CSMD2: variants seen among roughly 807,000 people sequenced by gnomAD.
CSMD2 encodes CUB and sushi domain-containing protein 2.
Under a neutral mutation model 398.5 loss-of-function variants are expected in CSMD2, and 130 were observed. The ratio of observed to expected loss-of-function variants is 0.33; its 90% CI spans 0.28 to 0.38. The LOEUF (loss-of-function observed/expected upper bound fraction) is 0.38, where lower values mean the gene tolerates loss of function less well. Among genes scored for constraint, CSMD2 ranks in the 10% least tolerant of loss-of-function variants. The probability of loss-of-function intolerance (pLI) is 1.00; values close to 1 mark genes in which losing one functional copy is unlikely to be tolerated. For missense variants in CSMD2, 3,829 were observed against 4,764.9 expected, an observed-to-expected ratio of 0.80 and a Z score of 5.78; for synonymous variants, 1,828 against 1,908.5, an observed-to-expected ratio of 0.96 and a Z score of 1.10.
chr1:33,796,578 C>T (rs1188935118), intron 10 of CSMD2, among the ~76,000 whole-genome samples: 4 of 152,136 alleles, frequency 2.6e-5, no homozygotes, highest in African/African-American at 9.7e-5. Context: ...TGAGAGTATA[C>T]ATCACCTCAG....
chr1:33,682,489 T>C (rs1380124112), intron 25 of CSMD2, among the ~76,000 whole-genome samples: 1 of 152,180 alleles, frequency 6.6e-6, no homozygotes, highest in African/African-American at 2.4e-5. Context: ...GAGGATAATA[T>C]GTTACCTTTG....
chr1:33,806,138 T>G (rs569583848), intron 10 of CSMD2, among the ~76,000 whole-genome samples: 29 of 152,194 alleles, frequency 1.9e-4, no homozygotes, highest in Non-Finnish European at 4.0e-4. Flanking sequence ...AAGAGTTGGG[T>G]TAGTTAAATC....
intron 39 of CSMD2, among the ~76,000 whole-genome samples, chr1:33,614,863 T>C (rs986736878): frequency 5.3e-5 from 8 of 152,236 alleles, no homozygotes; most frequent in Admixed American, 5.2e-4. Flanking sequence ...TTATGGACTC[T>C]TGACCTTGAA....
At chr1:33,520,080 C>G in intron 68 of CSMD2, 130 bp from the exon 69 acceptor site, 2 of 1,093,646 alleles carry the variant, frequency 1.8e-6, no homozygotes, top group South Asian at 1.5e-5. Context: ...CTGCTCAGCA[C>G]GGGAGGCAGG....
In CSMD2 at chr1:33,792,433, C is replaced by T. The variant is rs768171028; in HGVS notation, c.1540G>A (p.Val514Ile). The T allele has an allele frequency of 4.3e-6, 7 of 1,612,994 alleles. No individual in the cohort carries two copies. Among genetic ancestry groups the T allele is most frequent in the Non-Finnish European group, 5.9e-6 (7 of 1,179,132 alleles). Residue 514 changes from valine to isoleucine, a missense_variant, in exon 11 of 71, where the codon GTT (valine) becomes ATT (isoleucine). Coordinates refer to ENST00000373381, the MANE Select transcript of CSMD2 (RefSeq NM_001281956.2). ...CCCCACTGCACTTACATGTAGAGAA[C>T]TGTCTTCTGGTCCCCATCCTGACCA... is the stretch of plus-strand genomic sequence containing the variant. ...DGGQDGDQKT[V>I]LYILTGTSVP...
At chr1:34,110,523 A>C (rs12744624) in intron 1 of CSMD2, among the ~76,000 whole-genome samples, 10,760 of 152,234 alleles carry the variant, frequency 0.071, 512 homozygotes, top group Middle Eastern at 0.15. Flanking sequence ...TAAAAAAAAA[A>C]CCAAGATCAT....
chr1:33,801,288 CA>C lies in CSMD2; in HGVS notation c.1447-8763del, dbSNP rs150301583. On this transcript the variant is annotated intron_variant, in intron 10 of 70. Coordinates refer to ENST00000373381, the MANE Select transcript of CSMD2 (RefSeq NM_001281956.2). ...GATCAAATCAAGTGAGGCTCATGTG[CA>C]AATTGGATCAAATGTTTTGTGTTCA... Among the ~76,000 whole-genome samples the C allele has an allele frequency of 6.4e-3, 972 of 152,182 alleles. 8 individuals carry two copies. The highest frequency in any genetic ancestry group is 0.022 in the African/African-American group (920 of 41,508).
intron 24 of CSMD2, among the ~76,000 whole-genome samples, chr1:33,694,007 C>T (rs935170943): frequency 5.9e-5 from 9 of 151,974 alleles, no homozygotes; most frequent in African/African-American, 2.2e-4. Context: ...TGTGGTGAAC[C>T]GAGATCGCAC....
intron 5 of CSMD2, among the ~76,000 whole-genome samples, chr1:33,914,071 G>C (rs191921618): frequency 1.6e-4 from 24 of 152,222 alleles, no homozygotes; most frequent in Admixed American, 1.6e-3. Flanking sequence ...CTTTGAAAAA[G>C]TCCTGGGGCT....
At chr1:33,610,287 T>A (rs571514674) in intron 41 of CSMD2, among the ~76,000 whole-genome samples, 94 of 152,178 alleles carry the variant, frequency 6.2e-4, no homozygotes, top group African/African-American at 2.1e-3. Flanking sequence ...AAAATATTTT[T>A]AAAAATTCAG....
chr1:33,696,138 T>C (rs1645412701), intron 24 of CSMD2, among the ~76,000 whole-genome samples: 1 of 152,196 alleles, frequency 6.6e-6, no homozygotes, highest in Admixed American at 6.5e-5. Flanking sequence ...TGGAAGCAGA[T>C]TATTGCTTTC....
chr1:33,743,538 C>T lies in CSMD2; in HGVS notation c.1915G>A (p.Gly639Ser). The T allele has an allele frequency of 3.7e-6, 6 of 1,613,950 alleles. No individual in the cohort carries two copies. Among genetic ancestry groups the T allele is most frequent in the Non-Finnish European group, 5.1e-6 (6 of 1,179,972 alleles). The part of the protein sequence containing the change: ...VLSPNYPEDY[G>S]NHLHCVWLIL... ...AGCCAGACACAGTGGAGGTGGTTGC[C>T]ATAGTCCTCTGGGTAGTTGGGAGAC... Residue 639 changes from glycine (G) to serine (S), a missense_variant, in exon 14 of 71, where the codon GGC (glycine) becomes AGC (serine). Gly to Ser is a moderately conservative substitution (Grantham distance 56, BLOSUM62 0). Around this residue, in one of 5 missense-constraint regions of CSMD2, gnomAD observed 2,001 missense variants for 2,567.1 expected, o/e 0.78. Coordinates refer to ENST00000373381, the MANE Select transcript of CSMD2 (RefSeq NM_001281956.2).
chr1:34,045,038 TACACACACACACACACACACACAC>T (rs10588687), intron 2 of CSMD2, among the ~76,000 whole-genome samples: 2 of 142,718 alleles, frequency 1.4e-5, no homozygotes, highest in East Asian at 2.0e-4. Flanking sequence ...TCACACACCA[TACACACACACACACACACACACAC>T]ACACACACAC....
chr1:33,802,993 C>T (rs1329761335), intron 10 of CSMD2, among the ~76,000 whole-genome samples: 1 of 152,182 alleles, frequency 6.6e-6, no homozygotes. Context: ...TGCTTCCCAC[C>T]CTACTGCTGT....
intron 4 of CSMD2, among the ~76,000 whole-genome samples, chr1:33,918,826 T>C (rs1400351585): frequency 6.6e-6 from 1 of 152,168 alleles, no homozygotes; most frequent in Admixed American, 6.5e-5. Flanking sequence ...TGCATAACTT[T>C]GGGAAATTTA....
At chr1:34,011,323 G>A (rs961597659) in intron 3 of CSMD2, among the ~76,000 whole-genome samples, 1 of 152,166 alleles carries the variant, frequency 6.6e-6, no homozygotes, top group African/African-American at 2.4e-5. Flanking sequence ...GGTTGGGGTG[G>A]ACTGCTATCA....
intron 11 of CSMD2, among the ~76,000 whole-genome samples, chr1:33,790,963 G>T (rs1187009443): frequency 6.6e-6 from 1 of 152,174 alleles, no homozygotes; most frequent in East Asian, 1.9e-4. Context: ...CCTTTGTCTG[G>T]AGAAATCCCA....
rs545389281 is a variant in CSMD2 at position 34,143,295 on chromosome 1, C to T, written c.187+21616G>A. ...CCTCCCAGGCCATTAACAATAATAG[C>T]TTTACCAGGTGAAAAACTTGCGATT... On this transcript the variant is annotated intron_variant, in intron 1 of 70. Coordinates refer to ENST00000373381, the MANE Select transcript of CSMD2 (RefSeq NM_001281956.2). Among the ~76,000 whole-genome samples, 19 of 152,216 alleles carry T rather than the reference C, an allele frequency of 1.2e-4. No homozygotes were observed. The South Asian group carries it at 3.9e-3, about 32-fold the overall frequency.
At chr1:34,084,317 G>A (rs1285457388) in intron 2 of CSMD2, among the ~76,000 whole-genome samples, 1 of 152,114 alleles carries the variant, frequency 6.6e-6, no homozygotes, top group Non-Finnish European at 1.5e-5. Flanking sequence ...CTTCCTCTCA[G>A]AGTCAGAAAA....
Sources: gnomAD v4.1 joint callset for allele counts (sites outside exome capture counted in the v4.1 genomes callset) on GRCh38, gnomAD v4.1.1 for gene constraint, gnomAD v4.1.1 regional missense constraint, MANE v1.5 for transcripts, NCBI Gene and HGNC (gene_info 2026-07-23, HGNC 2026-07-21) for gene names.